ADGRG1: variants seen among roughly 807,000 people sequenced by gnomAD.
The protein encoded by ADGRG1 is adhesion G protein-coupled receptor G1, also known as 7-transmembrane protein with no EGF-like N-terminal domains-1.
A neutral mutation model predicts 73.5 loss-of-function variants in ADGRG1; 53 were observed. The ratio of observed to expected loss-of-function variants is 0.72; its 90% confidence interval spans 0.58 to 0.91. ADGRG1 has a LOEUF of 0.91. Ranked by LOEUF, ADGRG1 falls within the 40% of genes least tolerant of loss-of-function variation. The pLI is 0.00. For missense variants in ADGRG1, 795 were observed against 871.8 expected (o/e 0.91, Z 1.11); for synonymous variants, 394 against 374.4 (o/e 1.05, Z -0.60).
chr16:57,645,236 G>A, intron 1 of ADGRG1: 1 of 985,308 alleles, frequency 1.0e-6, no homozygotes, highest in Non-Finnish European at 1.2e-6. Flanking sequence ...AAGTTGAGCT[G>A]GGGGGGTCTT....
upstream of ADGRG1, among the ~76,000 whole-genome samples, chr16:57,625,148 C>T (rs2035588290): frequency 6.6e-6 from 1 of 152,158 alleles, no homozygotes; most frequent in South Asian, 2.1e-4. Flanking sequence ...GCTTTCCCCA[C>T]ACCATCTCTG....
rs189629486 is a variant in ADGRG1, at chr16:57,644,467, C to G, written c.-35-5786C>G. Among the ~76,000 whole-genome samples the G allele has an allele frequency of 4.0e-5, 6 of 148,676 alleles. No individual in the cohort carries two copies. The East Asian group carries it at 6.2e-4, about 15-fold the overall frequency. Reference sequence around the variant, plus strand: ...TCATGCACATGCACACACTCATGCACGGGCACACACACCCATGCACACACA... The same window carrying G: ...TCATGCACATGCACACACTCATGCAGGGGCACACACACCCATGCACACACA... On this transcript the variant is annotated intron_variant, in intron 1 of 13. Transcript: ENST00000562631.
At chr16:57,648,635 C>T (rs1204826771) in intron 1 of ADGRG1, 2 of 984,174 alleles carry the variant, frequency 2.0e-6, no homozygotes, top group Non-Finnish European at 2.4e-6. Flanking sequence ...AAAGCCACCT[C>T]TTCCTGAAAG....
At chr16:57,648,158 G>A (rs1330440623) in intron 1 of ADGRG1, among the ~76,000 whole-genome samples, 1 of 152,142 alleles carries the variant, frequency 6.6e-6, no homozygotes, top group South Asian at 2.1e-4. Context: ...GTAGCAGTGA[G>A]GGGCTGCTTG....
chr16:57,644,680 A>C (rs1291716856), intron 1 of ADGRG1, among the ~76,000 whole-genome samples: 1 of 127,182 alleles, frequency 7.9e-6, no homozygotes, highest in Non-Finnish European at 1.6e-5. Context: ...TCACACACTC[A>C]TGCACAAGCA....
intron 1 of ADGRG1, among the ~76,000 whole-genome samples, chr16:57,649,693 G>T (rs529914341): frequency 1.4e-4 from 22 of 152,214 alleles, no homozygotes; most frequent in African/African-American, 5.1e-4. Flanking sequence ...CGATTAGCCC[G>T]ATTTTGAGTG....
At chr16:57,647,607 C>A in intron 1 of ADGRG1, 1 of 347,920 alleles carries the variant, frequency 2.9e-6, no homozygotes, top group Non-Finnish European at 4.0e-6. Flanking sequence ...AGCCCAAGGA[C>A]ACACAGCTAG....
chr16:57,645,696 A>G (rs2042452533), intron 1 of ADGRG1, among the ~76,000 whole-genome samples: 1 of 152,134 alleles, frequency 6.6e-6, no homozygotes, highest in Admixed American at 6.5e-5. Flanking sequence ...CAAGCTCCCA[A>G]GCCCACCCCA....
chr16:57,662,373 G>C (rs1256588968), intron 13 of ADGRG1, among the ~76,000 whole-genome samples: 1 of 151,882 alleles, frequency 6.6e-6, no homozygotes, highest in Non-Finnish European at 1.5e-5. Flanking sequence ...CTGGATATGA[G>C]ACGTGTGAAG....
At chr16:57,650,574 AC>A (rs2043804649) in intron 2 of ADGRG1, 1 of 220,742 alleles carries the variant, frequency 4.5e-6, no homozygotes, top group Non-Finnish European at 7.6e-6. Flanking sequence ...GGCCCCACTC[AC>A]CTCTGCAGCC....
intron 1 of ADGRG1, chr16:57,632,368 G>C: frequency 2.1e-6 from 2 of 954,272 alleles, no homozygotes; most frequent in South Asian, 4.9e-5. Flanking sequence ...CCTGTGCCTC[G>C]GTTTCCTCAT....
chr16:57,641,548 A>G, intron 1 of ADGRG1: 1 of 982,992 alleles, frequency 1.0e-6, no homozygotes, highest in Middle Eastern at 5.3e-4. Flanking sequence ...AAGTCTCTTC[A>G]ATCAATTCTA....
intron 1 of ADGRG1, among the ~76,000 whole-genome samples, chr16:57,638,578 G>C (rs1408009347): frequency 2.6e-5 from 4 of 152,214 alleles, no homozygotes; most frequent in African/African-American, 9.6e-5. Context: ...AATCTGAGGA[G>C]GCTTCCTGGA....
At chr16:57,658,448 G>A (rs1471769688) in intron 10 of ADGRG1, among the ~76,000 whole-genome samples, 1 of 152,230 alleles carries the variant, frequency 6.6e-6, no homozygotes, top group African/African-American at 2.4e-5. Context: ...GTAGAGGAGA[G>A]GCACCCTCGG....
At position 57,656,100 on chromosome 16, in the gene ADGRG1, C is replaced by G. The variant is rs917773533; in HGVS notation, c.1017+108C>G. 4 of 1,612,996 alleles carry G rather than the reference C, an allele frequency of 2.5e-6. No homozygotes were observed. In the South Asian group the frequency reaches 3.3e-5, roughly 13 times the overall value. On this transcript the variant is annotated intron_variant, in intron 7 of 13. Coordinates refer to ENST00000562631, the MANE Select transcript of ADGRG1 (RefSeq NM_201525.4). Reference sequence around the variant, plus strand: ...CTTTATAATGAAACGATTGCCTGATCGAGCAGTCAGGTCCAAATGGGGCGG... The same window carrying G: ...CTTTATAATGAAACGATTGCCTGATGGAGCAGTCAGGTCCAAATGGGGCGG...
chr16:57,644,382 A>G (rs1186315343), intron 1 of ADGRG1: 1 of 169,832 alleles, frequency 5.9e-6, no homozygotes, highest in Non-Finnish European at 1.2e-5. Context: ...AGCCATGTGC[A>G]CACAGACATA....
chr16:57,651,738 C>T, intron 3 of ADGRG1, 116 bp downstream of exon 3: 1 of 1,512,106 alleles, frequency 6.6e-7, no homozygotes, highest in African/African-American at 1.4e-5. Flanking sequence ...GCTTTGCTCA[C>T]AGGCACTGGG....
chr16:57,646,992 C>T (rs75711305), intron 1 of ADGRG1: 16,679 of 976,522 alleles, frequency 0.017, 449 homozygotes, highest in East Asian at 0.12. Context: ...TGGGGATCTG[C>T]GGCTCCAGAG....
At chr16:57,652,602 G>A in intron 3 of ADGRG1, 1 of 984,162 alleles carries the variant, frequency 1.0e-6, no homozygotes, top group Non-Finnish European at 1.2e-6. Context: ...TAAAAAACAT[G>A]GACCAGGGAT....
Sources: gnomAD v4.1 joint callset for allele counts (sites outside exome capture counted in the v4.1 genomes callset) on GRCh38, gnomAD v4.1.1 for gene constraint, MANE v1.5 for transcripts, NCBI Gene and HGNC (gene_info 2026-07-23, HGNC 2026-07-21) for gene names.